Variants in SLC10A7 observed in about 807,000 individuals in gnomAD.
SLC10A7 encodes the protein solute carrier family 10 member 7.
In SLC10A7, 29 loss-of-function variants were observed where a neutral mutation model predicts 43.2. The observed-to-expected ratio is 0.67, with a 90% CI of 0.50 to 0.92. The LOEUF (loss-of-function observed/expected upper bound fraction) is 0.92, where lower values mean the gene tolerates loss of function less well. SLC10A7 is among the 40% of genes least tolerant of loss of function. SLC10A7 has a pLI of 0.00. For synonymous variants in SLC10A7, 152 were observed against 144.8 expected (o/e 1.05, Z -0.35); for missense variants, 295 against 403.2 (o/e 0.73, Z 2.30).
intron 4 of SLC10A7, among the ~76,000 whole-genome samples, chr4:146,497,899 CT>C (rs1309904335): frequency 6.6e-6 from 1 of 151,362 alleles, no homozygotes; most frequent in Non-Finnish European, 1.5e-5. Flanking sequence ...GGTTTAAAAC[CT>C]TTGTAAGGCT....
intron 7 of SLC10A7, among the ~76,000 whole-genome samples, chr4:146,296,426 A>G (rs1578814619): frequency 6.6e-6 from 1 of 152,180 alleles, no homozygotes. Context: ...CAAAGTACTT[A>G]GAGTCTCATA....
chr4:146,364,870 TA>T (rs1185006603), intron 5 of SLC10A7, among the ~76,000 whole-genome samples: 10 of 151,318 alleles, frequency 6.6e-5, no homozygotes, highest in South Asian at 6.3e-4. Context: ...TGTATGCTTG[TA>T]AAAAAAAATC....
At chr4:146,432,843 T>A (rs1463048577) in intron 5 of SLC10A7, among the ~76,000 whole-genome samples, 1 of 151,960 alleles carries the variant, frequency 6.6e-6, no homozygotes, top group Admixed American at 6.6e-5. Flanking sequence ...ATCAAGACCA[T>A]CCTGGCCAAC....
At chr4:146,447,202 G>T (rs1731167289) in intron 4 of SLC10A7, among the ~76,000 whole-genome samples, 1 of 152,132 alleles carries the variant, frequency 6.6e-6, no homozygotes, top group African/African-American at 2.4e-5. Flanking sequence ...GATCAGATGA[G>T]ATTGGGCAAG....
chr4:146,392,557 C>T lies in SLC10A7; in HGVS notation c.435+50226G>A, dbSNP rs980063960. 2.6e-5 allele frequency among the ~76,000 whole-genome samples: 4 copies of T among 152,116 alleles called. 1 individual carries two copies. In the South Asian group the frequency reaches 8.3e-4, roughly 32 times the overall value. On this transcript the variant is annotated intron_variant, in intron 5 of 11. Transcript: ENST00000335472. ...CACATACCTATGACCTTCAGATTTA[C>T]TGAAAAACAAAAAATTGGCAATGCC... is the stretch of plus-strand genomic sequence containing the variant.
chr4:146,276,222 G>A (rs2111080378), intron 10 of SLC10A7, among the ~76,000 whole-genome samples: 1 of 152,256 alleles, frequency 6.6e-6, no homozygotes, highest in Admixed American at 6.5e-5. Context: ...ATGCTAATTA[G>A]TAAGGTCTCT....
chr4:146,322,812 G>A (rs1227848441), intron 6 of SLC10A7, among the ~76,000 whole-genome samples: 1 of 152,090 alleles, frequency 6.6e-6, no homozygotes, highest in Non-Finnish European at 1.5e-5. Context: ...CTTCCACAAT[G>A]GTTGAACTAG....
intron 5 of SLC10A7, among the ~76,000 whole-genome samples, chr4:146,381,093 T>C (rs982657956): frequency 3.9e-5 from 6 of 152,102 alleles, no homozygotes; most frequent in African/African-American, 1.4e-4. Context: ...TGGGGGGCTC[T>C]TGTTTAAGAA....
At chr4:146,327,362 A>G (rs185122455) in intron 5 of SLC10A7, among the ~76,000 whole-genome samples, 26 of 152,288 alleles carry the variant, frequency 1.7e-4, no homozygotes, top group Middle Eastern at 3.4e-3. Context: ...TGGCCTATCA[A>G]CTCCATTGGT....
At chr4:146,262,751 G>A (rs61733944) in intron 10 of SLC10A7, among the ~76,000 whole-genome samples, 3,333 of 152,236 alleles carry the variant, frequency 0.022, 112 homozygotes, top group African/African-American at 0.076. Flanking sequence ...CCTCACCTTC[G>A]TTTAAGAGCA....
At chr4:146,483,907 G>T (rs1734702447) in intron 4 of SLC10A7, among the ~76,000 whole-genome samples, 1 of 152,008 alleles carries the variant, frequency 6.6e-6, no homozygotes. Context: ...ATGATAAAGG[G>T]GTCAATTCAT....
rs1195764934 is a variant in SLC10A7 at position 146,350,201 on chromosome 4, G to A, written c.436-24205C>T. 8.4e-5 allele frequency among the ~76,000 whole-genome samples: 12 copies of A among 142,948 alleles called. No individual in the cohort carries two copies. In the East Asian group the frequency reaches 2.0e-3, roughly 24 times the overall value. The allele number at this position is 142,948 out of a possible 152,430, so 93.8% of individuals were successfully genotyped here. ...CACCGTGCGCTAGCCGAAGCAGGGC[G>A]AGGCATTGCCTCACCTGGGAAGCGC... is the stretch of plus-strand genomic sequence containing the variant. On this transcript the variant is annotated intron_variant, in intron 5 of 11. Transcript: ENST00000335472.
chr4:146,402,770 A>G (rs1480340164), intron 5 of SLC10A7, among the ~76,000 whole-genome samples: 4 of 152,112 alleles, frequency 2.6e-5, no homozygotes, highest in Non-Finnish European at 5.9e-5. Context: ...GGCCTCTATT[A>G]CTGCTTTAGA....
At chr4:146,292,840 A>G in intron 9 of SLC10A7, 89 bp downstream of exon 9, 3 of 902,688 alleles carry the variant, frequency 3.3e-6, no homozygotes, top group Non-Finnish European at 5.1e-6. Context: ...GGAGAAAAAA[A>G]TATAAACGTG....
rs1727801861 is a variant in SLC10A7 at position 146,254,581 on chromosome 4, A to G, written c.*1910T>C. ...AAAGCAAACGATAAAATGTTATCAT[A>G]GCATTTTCAGTTGAATTTTATCCCA... On this transcript the variant is annotated 3_prime_UTR_variant, in exon 12 of 12. Transcript: ENST00000335472. 6.6e-6 allele frequency: 1 copy of G among 152,216 alleles called. No individual in the cohort carries two copies. Among genetic ancestry groups the G allele is most frequent in the Non-Finnish European group, 1.5e-5 (1 of 68,032 alleles). 9.4% of individuals were successfully genotyped at this position (152,216 alleles called of 1,614,324 possible). A position where few individuals can be genotyped will look rare whatever the true frequency, so the allele number is the denominator to read the frequency against.
At chr4:146,428,077 T>C (rs1162587641) in intron 5 of SLC10A7, among the ~76,000 whole-genome samples, 3 of 152,052 alleles carry the variant, frequency 2.0e-5, no homozygotes, top group African/African-American at 7.2e-5. Flanking sequence ...CTTGAGAGGC[T>C]GAGGTGAGAG....
rs1288857884 is a variant in SLC10A7, at chr4:146,512,118, C to T, written c.184-2069G>A. Among the ~76,000 whole-genome samples, 8 of 151,672 alleles carry T rather than the reference C, an allele frequency of 5.3e-5. 1 individual carries two copies. Among genetic ancestry groups the T allele is most frequent in the Non-Finnish European group, 1.0e-4 (7 of 67,922 alleles). ...CCTCCCAAGTAGCGGGGATTACAGG[C>T]GCCCACCACCACACCCAGCTAATTT... On this transcript the variant is annotated intron_variant, in intron 2 of 11. Coordinates refer to ENST00000335472, the MANE Select transcript of SLC10A7 (RefSeq NM_001029998.6).
chr4:146,438,825 T>G (rs186702779), intron 5 of SLC10A7, among the ~76,000 whole-genome samples: 8 of 152,124 alleles, frequency 5.3e-5, no homozygotes, highest in Admixed American at 5.2e-4. Context: ...GAAAAAAAAT[T>G]TCAATTAGAA....
intron 5 of SLC10A7, among the ~76,000 whole-genome samples, chr4:146,335,251 T>TAAAAAAAAAAAAAAAAAAAA (rs34522588): frequency 1.1e-5 from 1 of 92,656 alleles, no homozygotes; most frequent in African/African-American, 4.2e-5. Flanking sequence ...ACAGATGTTG[T>TAAAAAAAAAAAAAAAAAAAA]AAAAAAAAAA....
Sources: gnomAD v4.1 joint callset for allele counts (sites outside exome capture counted in the v4.1 genomes callset) on GRCh38, gnomAD v4.1.1 for gene constraint, MANE v1.5 for transcripts, NCBI Gene and HGNC (gene_info 2026-07-23, HGNC 2026-07-21) for gene names.